CHRM3: variants seen among roughly 807,000 people sequenced by gnomAD.
CHRM3 encodes cholinergic receptor muscarinic 3.
A neutral mutation model predicts 41.8 loss-of-function variants in CHRM3; 11 were observed. The ratio of observed to expected loss-of-function variants is 0.26; its 90% CI spans 0.17 to 0.44. CHRM3 has a LOEUF of 0.44. Among genes scored for constraint, CHRM3 ranks in the 20% least tolerant of loss-of-function variants. CHRM3 has a pLI of 1.00. For synonymous variants in CHRM3, 297 were observed against 301.4 expected (o/e 0.99, Z 0.15); for missense variants, 571 against 745.4 (o/e 0.77, Z 2.72).
At chr1:239,494,858 C>A (rs1165668520) in intron 2 of CHRM3, among the ~76,000 whole-genome samples, 2 of 152,108 alleles carry the variant, frequency 1.3e-5, no homozygotes, top group African/African-American at 4.8e-5. Context: ...TCATCCATGT[C>A]CCTGAAAAGG....
chr1:239,690,420 C>T (rs751410709), intron 5 of CHRM3, among the ~76,000 whole-genome samples: 25 of 151,848 alleles, frequency 1.6e-4, no homozygotes, highest in Middle Eastern at 6.8e-3. Context: ...TTAGTAGAGA[C>T]GGGTTTCACC....
At chr1:239,763,023 G>A (rs1048929230) in intron 5 of CHRM3, among the ~76,000 whole-genome samples, 1 of 151,974 alleles carries the variant, frequency 6.6e-6, no homozygotes, top group African/African-American at 2.4e-5. Context: ...TATTTTAAGA[G>A]CACCAGAATA....
At chr1:239,553,999 C>T (rs970017731) in intron 3 of CHRM3, among the ~76,000 whole-genome samples, 1 of 152,100 alleles carries the variant, frequency 6.6e-6, no homozygotes, top group Non-Finnish European at 1.5e-5. Flanking sequence ...AGTGAACTCT[C>T]GTTCCTCAGC....
rs1258721178 is a variant in CHRM3 at position 239,909,283 on chromosome 1, G to A, written c.*59G>A. 1 of 1,509,920 alleles carries A rather than the reference G, an allele frequency of 6.6e-7. No individual in the cohort carries two copies. Among genetic ancestry groups the A allele is most frequent in the Admixed American group, 2.2e-5 (1 of 46,280 alleles). 93.5% of individuals were successfully genotyped at this position (1,509,920 alleles called of 1,614,324 possible). A position where few individuals can be genotyped will look rare whatever the true frequency, so the allele number is the denominator to read the frequency against. ...ACACATCAACCCACAGACCTTAGGAGGAGGAAGGCGAGGGCGGGGTGACTT... is the reference window on the plus strand; with the variant it reads ...ACACATCAACCCACAGACCTTAGGAAGAGGAAGGCGAGGGCGGGGTGACTT... On this transcript the variant is annotated 3_prime_UTR_variant, in exon 7 of 7. Transcript: ENST00000676153.
Position 239,763,053 on chromosome 1 carries a change from C to T in CHRM3, c.-146-64199C>T, listed in dbSNP as rs189001331. Among the ~76,000 whole-genome samples, 4 of 152,162 alleles carry T rather than the reference C, an allele frequency of 2.6e-5. 1 individual carries two copies. The highest frequency in any genetic ancestry group is 1.9e-4 in the East Asian group (1 of 5,184). ...AGAATATATAGGGTTTTAAGAAGAA[C>T]GCTATTAAAATGCTGCAAATGGAAC... On this transcript the variant is annotated intron_variant, in intron 5 of 6. Transcript: ENST00000676153.
intron 1 of CHRM3, among the ~76,000 whole-genome samples, chr1:239,412,169 T>C (rs1661129717): frequency 1.3e-5 from 2 of 150,050 alleles, no homozygotes; most frequent in South Asian, 4.2e-4. Flanking sequence ...TTTTTGGTTT[T>C]ATTGAATTAA....
At chr1:239,583,907 G>A (rs976461156) in intron 3 of CHRM3, among the ~76,000 whole-genome samples, 4 of 151,928 alleles carry the variant, frequency 2.6e-5, no homozygotes, top group African/African-American at 4.8e-5. Context: ...CTACCCTGCT[G>A]GCCAGTGAAC....
At chr1:239,483,523 CCTT>C (rs1040878544) in intron 1 of CHRM3, among the ~76,000 whole-genome samples, 17 of 152,296 alleles carry the variant, frequency 1.1e-4, no homozygotes, top group African/African-American at 4.1e-4. Flanking sequence ...AGTAGTTTGC[CCTT>C]CTTCTGCAAG....
chr1:239,429,994 G>A (rs1192564841), intron 1 of CHRM3, among the ~76,000 whole-genome samples: 1 of 126,004 alleles, frequency 7.9e-6, no homozygotes, highest in African/African-American at 3.0e-5. Flanking sequence ...TTTTTGAGAT[G>A]TCTTGTTCTA....
At position 239,909,429 on chromosome 1, in the gene CHRM3, A is replaced by AAAC. The variant is rs1351833507; in HGVS notation, c.*207_*209dup. On this transcript the variant is annotated 3_prime_UTR_variant, in exon 7 of 7. Coordinates refer to ENST00000676153, the MANE Select transcript of CHRM3 (RefSeq NM_001375978.1). ...TACCAATTCAGCAAAAAGAAAAAAA[A>AAAC]AACATACTACTGAATATAAAGAAAT... 4.0e-6 allele frequency: 2 copies of AAAC among 498,574 alleles called. No homozygotes were observed. The highest frequency in any genetic ancestry group is 2.0e-5 in the African/African-American group (1 of 50,022). The allele number at this position is 498,574 out of a possible 1,614,324, so 30.9% of individuals were successfully genotyped here. A position where few individuals can be genotyped will look rare whatever the true frequency, so the allele number is the denominator to read the frequency against.
intron 1 of CHRM3, among the ~76,000 whole-genome samples, chr1:239,479,833 C>T (rs1476769816): frequency 6.6e-6 from 1 of 152,158 alleles, no homozygotes; most frequent in African/African-American, 2.4e-5. Context: ...CTGCAAGTTG[C>T]TCTAGGTGAG....
At chr1:239,562,294 C>T (rs554024198) in intron 3 of CHRM3, among the ~76,000 whole-genome samples, 3 of 152,236 alleles carry the variant, frequency 2.0e-5, no homozygotes, top group African/African-American at 7.2e-5. Context: ...TTTCAAGTCA[C>T]GTGATCCCTC....
intron 1 of CHRM3, among the ~76,000 whole-genome samples, chr1:239,423,691 G>C (rs1662131979): frequency 6.6e-6 from 1 of 152,134 alleles, no homozygotes; most frequent in African/African-American, 2.4e-5. Flanking sequence ...GACTGGTACA[G>C]AGTAGAAGCC....
chr1:239,558,268 A>G (rs533421648), intron 3 of CHRM3, among the ~76,000 whole-genome samples: 1 of 152,070 alleles, frequency 6.6e-6, no homozygotes, highest in Non-Finnish European at 1.5e-5. Context: ...TGTTGGCTGC[A>G]TGTATGTCTT....
Position 239,885,641 on chromosome 1 carries a change from C to T in CHRM3, c.-19-21792C>T, listed in dbSNP as rs527530729. ...ATGACTTTCTGCAAGTGTACTTCAG[C>T]GACGCATTCATTGTGTTGTGATCAC... On this transcript the variant is annotated intron_variant, in intron 6 of 6. Coordinates refer to ENST00000676153, the MANE Select transcript of CHRM3 (RefSeq NM_001375978.1). Among the ~76,000 whole-genome samples, 283 of 152,198 alleles carry T rather than the reference C, an allele frequency of 1.9e-3. 3 individuals are homozygous for T. The highest frequency in any genetic ancestry group is 2.4e-3 in the Non-Finnish European group (165 of 68,004).
intron 6 of CHRM3, among the ~76,000 whole-genome samples, chr1:239,871,521 T>A (rs1676585997): frequency 6.6e-6 from 1 of 152,218 alleles, no homozygotes; most frequent in African/African-American, 2.4e-5. Context: ...ATTACAGGCA[T>A]GAGCCACCAC....
At chr1:239,872,679 A>G (rs893162410) in intron 6 of CHRM3, among the ~76,000 whole-genome samples, 2 of 152,208 alleles carry the variant, frequency 1.3e-5, no homozygotes, top group African/African-American at 4.8e-5. Context: ...AAAATGTCCA[A>G]ATATCAGCAG....
intron 4 of CHRM3, among the ~76,000 whole-genome samples, chr1:239,636,193 C>T (rs892308800): frequency 6.6e-6 from 1 of 151,902 alleles, no homozygotes; most frequent in Non-Finnish European, 1.5e-5. Context: ...AATGAAGGCC[C>T]GAAAGAATGA....
At chr1:239,867,632 G>A (rs1360408919) in intron 6 of CHRM3, among the ~76,000 whole-genome samples, 1 of 151,052 alleles carries the variant, frequency 6.6e-6, no homozygotes, top group Non-Finnish European at 1.5e-5. Context: ...GTTGCAGTGA[G>A]CTGAGATCAC....
Sources: gnomAD v4.1 joint callset for allele counts (sites outside exome capture counted in the v4.1 genomes callset) on GRCh38, gnomAD v4.1.1 for gene constraint, MANE v1.5 for transcripts, NCBI Gene and HGNC (gene_info 2026-07-23, HGNC 2026-07-21) for gene names.